Variants in CFAP20DC observed in about 807,000 individuals in gnomAD.
CFAP20DC encodes the protein protein CFAP20DC.
Under a neutral mutation model 101.7 loss-of-function variants are expected in CFAP20DC, and 84 were observed. The observed-to-expected ratio is 0.83, with a 90% confidence interval of 0.69 to 0.99. The LOEUF is 0.99. CFAP20DC is among the 50% of genes least tolerant of loss of function. CFAP20DC has a pLI of 0.00. For synonymous variants in CFAP20DC, 359 were observed against 351.2 expected (o/e 1.02, Z -0.25); for missense variants, 1,007 against 970.3 (o/e 1.04, Z -0.50).
At chr3:58,886,948 T>C (rs2108676388) in intron 6 of CFAP20DC, among the ~76,000 whole-genome samples, 1 of 152,118 alleles carries the variant, frequency 6.6e-6, no homozygotes, top group Middle Eastern at 3.4e-3. Context: ...CAACCAATCA[T>C]CCCCCAAAAA....
rs577403926 is a variant in CFAP20DC at position 58,822,719 on chromosome 3, G to C, written c.2175+8967C>G. On this transcript the variant is annotated intron_variant, in intron 14 of 16. Transcript: ENST00000482387. ...ACTGCTGACACGAACACATAGAAAG[G>C]TGAACAACTAGCTGTCTGAGGCTAG... Among the ~76,000 whole-genome samples the C allele has an allele frequency of 1.6e-4, 24 of 152,202 alleles. No individual in the cohort carries two copies. The South Asian group carries it at 4.8e-3, about 30-fold the overall frequency.
intron 15 of CFAP20DC, among the ~76,000 whole-genome samples, chr3:58,758,322 T>C (rs2069154238): frequency 6.6e-6 from 1 of 152,102 alleles, no homozygotes; most frequent in South Asian, 2.1e-4. Flanking sequence ...TTCCCCTACA[T>C]AAGCAGCAAA....
rs1162614073 is a variant in CFAP20DC, at chr3:58,728,764, C to G, written c.198-11136G>C. Among the ~76,000 whole-genome samples the G allele has an allele frequency of 2.0e-5, 3 of 152,180 alleles. No individual in the cohort carries two copies. The highest frequency in any genetic ancestry group is 1.9e-4 in the East Asian group (1 of 5,198). ...AATATTGATTCTTCTCATCTATGAA[C>G]ATGGAACATCCTTTCAATTACTAGG... On this transcript the variant is annotated intron_variant, in intron 3 of 3. Coordinates refer to the CFAP20DC transcript ENST00000486145. This position sits in a 1 kb window ranked among gnomAD's most constrained non-coding sequence, Gnocchi z 4.7.
At chr3:58,995,057 C>T (rs764962471) in intron 4 of CFAP20DC, among the ~76,000 whole-genome samples, 5 of 152,086 alleles carry the variant, frequency 3.3e-5, no homozygotes, top group African/African-American at 7.2e-5. Context: ...GTTTTTGAAA[C>T]GTTTTTCCTC....
rs1181729323 is a variant in CFAP20DC at position 58,864,840 on chromosome 3, C to G, written c.1259-948G>C. Among the ~76,000 whole-genome samples the G allele has an allele frequency of 6.6e-6, 1 of 152,146 alleles. No homozygotes were observed. Among genetic ancestry groups the G allele is most frequent in the Non-Finnish European group, 1.5e-5 (1 of 68,002 alleles). ...AAAAGGTCTTTAAGTTTACAAGAGA[C>G]AATGTTTTGATATAAAAACCTTTTA... is the stretch of plus-strand genomic sequence containing the variant. On this transcript the variant is annotated intron_variant, in intron 11 of 16. Transcript: ENST00000482387. This position sits in a 1 kb window ranked among gnomAD's most constrained non-coding sequence, Gnocchi z 4.7.
chr3:58,734,428 G>C, intron 3 of CFAP20DC: 2 of 405,722 alleles, frequency 4.9e-6, no homozygotes, highest in Non-Finnish European at 9.9e-6. Context: ...ACAGGCCTAG[G>C]CTTAAATAAT....
chr3:58,930,755 T>C (rs1009294626), intron 5 of CFAP20DC, among the ~76,000 whole-genome samples: 1 of 152,126 alleles, frequency 6.6e-6, no homozygotes, highest in Non-Finnish European at 1.5e-5. Context: ...TGGTATAAAG[T>C]TTTCTTTTAA....
At chr3:58,783,321 A>G (rs1249140219) in intron 15 of CFAP20DC, among the ~76,000 whole-genome samples, 1 of 152,128 alleles carries the variant, frequency 6.6e-6, no homozygotes, top group Non-Finnish European at 1.5e-5. Context: ...TGAAAACATA[A>G]AACTGGTAGA....
At chr3:58,904,593 A>G (rs2083433889) in intron 6 of CFAP20DC, among the ~76,000 whole-genome samples, 1 of 152,224 alleles carries the variant, frequency 6.6e-6, no homozygotes, top group Non-Finnish European at 1.5e-5. Flanking sequence ...AACACCCAAC[A>G]TAAGAATACC....
intron 15 of CFAP20DC, among the ~76,000 whole-genome samples, chr3:58,766,198 A>G (rs1480806192): frequency 6.6e-6 from 1 of 152,002 alleles, no homozygotes; most frequent in Non-Finnish European, 1.5e-5. Flanking sequence ...TACTGCAAAA[A>G]CAGGCATAAA....
At chr3:58,831,966 C>A (rs927376387) in intron 13 of CFAP20DC, 77 bp from the exon 14 acceptor site, 8 of 1,265,028 alleles carry the variant, frequency 6.3e-6, no homozygotes, top group Middle Eastern at 1.9e-4. Context: ...ACAGCCTTAA[C>A]CCCTACAGCA....
In CFAP20DC at chr3:59,002,276, A is replaced by G. The variant is rs1446835906; in HGVS notation, c.278+37281T>C. Among the ~76,000 whole-genome samples the G allele has an allele frequency of 6.6e-6, 1 of 152,240 alleles. No homozygotes were observed. The highest frequency in any genetic ancestry group is 1.5e-5 in the Non-Finnish European group (1 of 68,046). Reference sequence around the variant, plus strand: ...AGTGTGTGGCACACACACATGCTGAATAATTAGCTTCCCTCCTAAGGGATA... The same window carrying G: ...AGTGTGTGGCACACACACATGCTGAGTAATTAGCTTCCCTCCTAAGGGATA... On this transcript the variant is annotated intron_variant, in intron 4 of 16. Coordinates refer to ENST00000482387, the MANE Select transcript of CFAP20DC (RefSeq NM_001394063.1). This position sits in a 1 kb window ranked among gnomAD's most constrained non-coding sequence, Gnocchi z 4.5.
At chr3:58,749,651 C>G (rs1418005314) in intron 16 of CFAP20DC, among the ~76,000 whole-genome samples, 1 of 152,152 alleles carries the variant, frequency 6.6e-6, no homozygotes, top group Non-Finnish European at 1.5e-5. Context: ...CTTCTGAATG[C>G]CTTTCTTACT....
chr3:58,992,794 A>G (rs1027532895), intron 4 of CFAP20DC, among the ~76,000 whole-genome samples: 42 of 152,142 alleles, frequency 2.8e-4, no homozygotes, highest in African/African-American at 9.7e-4. Context: ...AAGGTATGTA[A>G]AAAATATCTA....
Position 58,817,570 on chromosome 3 carries a change from C to T in CFAP20DC, c.2176-11114G>A, listed in dbSNP as rs1277000281. Among the ~76,000 whole-genome samples, 351 of 141,928 alleles carry T rather than the reference C, an allele frequency of 2.5e-3. 1 individual carries two copies. Among genetic ancestry groups the T allele is most frequent in the Non-Finnish European group, 4.6e-3 (299 of 65,518 alleles). The allele number at this position is 141,928 out of a possible 152,430, so 93.1% of individuals were successfully genotyped here. On this transcript the variant is annotated intron_variant, in intron 14 of 16. Coordinates refer to ENST00000482387, the MANE Select transcript of CFAP20DC (RefSeq NM_001394063.1). The stretch of plus-strand genomic sequence containing the variant: ...GGAAGATGAAATGAATGAAATGAAG[C>T]GAGAAGGGAAGTTTAGAGAAAAAAG...
chr3:58,942,211 A>G (rs551690900), intron 4 of CFAP20DC, among the ~76,000 whole-genome samples: 6 of 152,326 alleles, frequency 3.9e-5, no homozygotes, highest in Admixed American at 1.3e-4. Context: ...TCTTGGAGGA[A>G]ATTTCAATTG....
At chr3:58,990,929 C>G (rs937001766) in intron 4 of CFAP20DC, among the ~76,000 whole-genome samples, 4 of 152,082 alleles carry the variant, frequency 2.6e-5, no homozygotes, top group Non-Finnish European at 5.9e-5. Flanking sequence ...TAAAAACCTG[C>G]TTTTCTTTCC....
intron 3 of CFAP20DC, among the ~76,000 whole-genome samples, chr3:58,734,709 CT>C (rs1326551687): frequency 6.6e-6 from 1 of 152,212 alleles, no homozygotes; most frequent in Admixed American, 6.5e-5. Context: ...GGCCTCCATT[CT>C]TCCTTTCCCT....
rs1203950992 is a variant in CFAP20DC, at chr3:58,855,032, C to T, written c.1594-5623G>A. ...GCTTCTGCACAGCAAAAGAAACTAC[C>T]ATCAGAGTGAACAGGCAACCTACAA... is the stretch of plus-strand genomic sequence containing the variant. On this transcript the variant is annotated intron_variant, in intron 12 of 16. Transcript: ENST00000482387. Among the ~76,000 whole-genome samples, 182 of 145,844 alleles carry T rather than the reference C, an allele frequency of 1.2e-3. 1 individual carries two copies. Among genetic ancestry groups the T allele is most frequent in the Non-Finnish European group, 2.2e-3 (148 of 66,422 alleles).
Sources: allele counts gnomAD v4.1 joint callset (sites outside exome capture counted in the v4.1 genomes callset), GRCh38; gene constraint gnomAD v4.1.1; non-coding constraint Gnocchi (gnomAD v3.1); transcripts MANE v1.5; gene names NCBI Gene and HGNC (gene_info 2026-07-23, HGNC 2026-07-21).